BRSK2: variants seen among roughly 807,000 people sequenced by gnomAD.
BRSK2 encodes serine/threonine-protein kinase BRSK2.
BRSK2 carries 19 observed loss-of-function variants against 83.3 expected under a neutral mutation model. The ratio of observed to expected loss-of-function variants is 0.23; its 90% CI spans 0.16 to 0.33. BRSK2 has a LOEUF of 0.33. Ranked by LOEUF, BRSK2 falls within the 10% of genes least tolerant of loss-of-function variation. The probability of loss-of-function intolerance (pLI) is 1.00; values close to 1 mark genes in which losing one functional copy is unlikely to be tolerated. For synonymous variants in BRSK2, 519 were observed against 435.4 expected, an observed-to-expected ratio of 1.19 and a Z score of -2.39; for missense variants, 798 against 1,042.3, an observed-to-expected ratio of 0.77 and a Z score of 3.23.
rs897914122 is a variant in BRSK2, at chr11:1,391,574, C to T, written c.91+1199C>T. ...GCCTCACCTTGGGTGCACAGCCTTC[C>T]GCCACCCGCCACGGCACGGAAGGGC... is the stretch of plus-strand genomic sequence containing the variant. On this transcript the variant is annotated intron_variant, in intron 1 of 19. Transcript: ENST00000528841. Among the ~76,000 whole-genome samples the T allele has an allele frequency of 5.9e-5, 9 of 152,170 alleles. No homozygotes were observed. In the East Asian group the frequency reaches 7.7e-4, roughly 13 times the overall value.
chr11:1,445,349 C>T lies in BRSK2; in HGVS notation c.868C>T (p.Arg290Cys), dbSNP rs759639655. 9.9e-6 allele frequency: 16 copies of T among 1,611,592 alleles called. No individual in the cohort carries two copies. The highest frequency in any genetic ancestry group is 5.3e-5 in the African/African-American group (4 of 74,906). Residue 290 changes from arginine (R) to cysteine (C), a missense_variant, in exon 10 of 20, where the codon CGC (arginine) becomes TGC (cysteine). By Grantham distance (180) the Arg-to-Cys change is radical. Transcript: ENST00000528841. ...GCCCATTCCTCGCAAGGTGCAGATC[C>T]GCTCGCTGCCCAGCCTGGAGGACAT... ...EQPIPRKVQIRSLPSLEDIDP... is the reference protein window; with the variant it reads ...EQPIPRKVQICSLPSLEDIDP...
chr11:1,391,507 G>C (rs1188819145), intron 1 of BRSK2, among the ~76,000 whole-genome samples: 1 of 152,212 alleles, frequency 6.6e-6, no homozygotes, highest in Non-Finnish European at 1.5e-5. Flanking sequence ...AACTACGGCA[G>C]AGCTGCAGGA....
chr11:1,457,282 C>G (rs1299907806), intron 18 of BRSK2, among the ~76,000 whole-genome samples: 1 of 152,202 alleles, frequency 6.6e-6, no homozygotes, highest in East Asian at 1.9e-4. Context: ...GGGCCGCGGG[C>G]TGCCTGACGG....
At chr11:1,415,442 G>A (rs1848003951) in intron 1 of BRSK2, among the ~76,000 whole-genome samples, 1 of 152,076 alleles carries the variant, frequency 6.6e-6, no homozygotes, top group Admixed American at 6.6e-5. Flanking sequence ...TTCTGAGACA[G>A]GGTCTCACTC....
At position 1,411,244 on chromosome 11, in the gene BRSK2, C is replaced by T; in HGVS notation, c.91+20869C>T. 2.4e-6 allele frequency: 3 copies of T among 1,273,242 alleles called. No homozygotes were observed. In the East Asian group the frequency reaches 9.4e-5, roughly 40 times the overall value. 78.9% of individuals were successfully genotyped at this position (1,273,242 alleles called of 1,614,324 possible). ...TGGACGTGCTCTGAGCTTCCTTCCT[C>T]ACAGCCTTGCTCCTGGGCCAGATCA... On this transcript the variant is annotated intron_variant, in intron 1 of 19. Transcript: ENST00000528841.
At chr11:1,427,695 C>CT (rs1157235104) in intron 1 of BRSK2, among the ~76,000 whole-genome samples, 1 of 152,244 alleles carries the variant, frequency 6.6e-6, no homozygotes, top group Admixed American at 6.5e-5. Flanking sequence ...ACAGCCAAGC[C>CT]TGTGTTTGTG....
intron 15 of BRSK2, among the ~76,000 whole-genome samples, chr11:1,452,162 G>A (rs939219599): frequency 6.6e-6 from 1 of 152,202 alleles, no homozygotes; most frequent in African/African-American, 2.4e-5. Context: ...GTGGCCAGCT[G>A]TGGACTGAGT....
intron 13 of BRSK2, 100 bp downstream of exon 13, chr11:1,449,936 A>G (rs1845599498): frequency 1.2e-6 from 1 of 836,638 alleles, no homozygotes; most frequent in Non-Finnish European, 1.9e-6. Flanking sequence ...GACCCTGGGA[A>G]GCAGCCCCAG....
At chr11:1,448,949 G>A (rs1487725400) in intron 12 of BRSK2, among the ~76,000 whole-genome samples, 1 of 152,172 alleles carries the variant, frequency 6.6e-6, no homozygotes, top group Non-Finnish European at 1.5e-5. Flanking sequence ...GGTGGGTAGT[G>A]CAGGCCGGGC....
chr11:1,424,853 C>T (rs1340565135), intron 1 of BRSK2, among the ~76,000 whole-genome samples: 1 of 152,178 alleles, frequency 6.6e-6, no homozygotes, highest in Non-Finnish European at 1.5e-5. Context: ...TGGAGCAGGA[C>T]CCCCTGGCCT....
chr11:1,443,656 G>T (rs767033377), intron 8 of BRSK2, 21 bp downstream of exon 8: 32 of 1,556,090 alleles, frequency 2.1e-5, no homozygotes, highest in Admixed American at 1.3e-4. Context: ...TCGGAGCGGG[G>T]CGGCCCCAGA....
intron 1 of BRSK2, among the ~76,000 whole-genome samples, chr11:1,414,999 A>C (rs1340765672): frequency 6.6e-6 from 1 of 150,498 alleles, no homozygotes; most frequent in African/African-American, 2.4e-5. Context: ...GGCTCTCAGG[A>C]GTGGCGCGCT....
intron 8 of BRSK2, 51 bp from the exon 9 acceptor site, chr11:1,444,920 G>A: frequency 6.4e-7 from 1 of 1,570,968 alleles, no homozygotes. Flanking sequence ...CCTAATGTGG[G>A]CTCTTTCCGT....
At position 1,454,622 on chromosome 11, in the gene BRSK2, G is replaced by A. The variant is rs1235202732; in HGVS notation, c.1668+14G>A. The A allele has an allele frequency of 6.2e-7, 1 of 1,612,218 alleles. No homozygotes were observed. Among genetic ancestry groups the A allele is most frequent in the Admixed American group, 1.7e-5 (1 of 59,998 alleles). On this transcript the variant is annotated intron_variant, in intron 16 of 19. Transcript: ENST00000528841. This position sits in a 1 kb window ranked among gnomAD's most constrained non-coding sequence, Gnocchi z 5.2. ...GCCTTCCTGTCGGTGAGGCCACAGG[G>A]CGCTGGGGGAGGCGGGCAGCCCTCC... is the stretch of plus-strand genomic sequence containing the variant.
At chr11:1,449,735 C>T (rs200864161) in intron 12 of BRSK2, 41 bp from the exon 13 acceptor site, 5 of 1,572,056 alleles carry the variant, frequency 3.2e-6, no homozygotes, top group East Asian at 2.3e-5. Flanking sequence ...TGCTCCACTG[C>T]CCCCTGGCTG....
chr11:1,456,592 C>A lies in BRSK2; in HGVS notation c.1850-6C>A. On this transcript the variant is annotated splice_region_variant and splice_polypyrimidine_tract_variant and intron_variant, in intron 17 of 19. Transcript: ENST00000528841. ...CGTCCAGGGCATAACCCCCTGTCTC[C>A]CCTAGGCCCCAGCCGTCGCTTCAAG... 4 of 1,610,014 alleles carry A rather than the reference C, an allele frequency of 2.5e-6. No individual in the cohort carries two copies. Among genetic ancestry groups the A allele is most frequent in the Non-Finnish European group, 3.4e-6 (4 of 1,178,900 alleles).
At chr11:1,453,538 C>T (rs536815193) in intron 15 of BRSK2, among the ~76,000 whole-genome samples, 20 of 152,316 alleles carry the variant, frequency 1.3e-4, no homozygotes, top group African/African-American at 3.4e-4. Flanking sequence ...AACAGACAGC[C>T]GCCGAGACCG....
chr11:1,425,626 G>A (rs1006706147), intron 1 of BRSK2, among the ~76,000 whole-genome samples: 1 of 152,164 alleles, frequency 6.6e-6, no homozygotes, highest in Non-Finnish European at 1.5e-5. Flanking sequence ...CACCTACAGG[G>A]GACGCATTCA....
Position 1,408,914 on chromosome 11 carries a change from C to G in BRSK2, c.91+18539C>G, listed in dbSNP as rs1225915289. 2.1e-5 allele frequency among the ~76,000 whole-genome samples: 3 copies of G among 142,820 alleles called. No homozygotes were observed. The East Asian group carries it at 6.1e-4, about 29-fold the overall frequency. The allele number at this position is 142,820 out of a possible 152,430, so 93.7% of individuals were successfully genotyped here. ...CTTATGGAGGTTTATGTGTGTCTGC[C>G]TGTGCAAGGGTGTGTGTGTGTATGT... On this transcript the variant is annotated intron_variant, in intron 1 of 19. Coordinates refer to ENST00000528841, the MANE Select transcript of BRSK2 (RefSeq NM_001256627.2).
Sources: gnomAD v4.1 joint callset for allele counts (sites outside exome capture counted in the v4.1 genomes callset) on GRCh38, gnomAD v4.1.1 for gene constraint, Gnocchi (gnomAD v3.1) non-coding constraint, MANE v1.5 for transcripts, NCBI Gene and HGNC (gene_info 2026-07-23, HGNC 2026-07-21) for gene names.